SYT1: variants seen among roughly 807,000 people sequenced by gnomAD.
SYT1 encodes the protein synaptotagmin-1.
SYT1 carries 8 observed loss-of-function variants against 44.8 expected under a neutral mutation model. That is an observed-to-expected ratio of 0.18 (90% CI 0.10 to 0.32). The LOEUF (loss-of-function observed/expected upper bound fraction) is 0.32, where lower values mean the gene tolerates loss of function less well. Among genes scored for constraint, SYT1 ranks in the 10% least tolerant of loss-of-function variants. The pLI, the probability that SYT1 is intolerant of heterozygous loss-of-function variation, is 1.00. For missense variants in SYT1, 286 were observed against 509.3 expected (o/e 0.56, Z 4.22); for synonymous variants, 154 against 188.8 (o/e 0.82, Z 1.51).
intron 4 of SYT1, among the ~76,000 whole-genome samples, chr12:79,278,398 C>T (rs2138799957): frequency 6.6e-6 from 1 of 152,102 alleles, no homozygotes; most frequent in South Asian, 2.1e-4. Context: ...AATTTAAAAC[C>T]TGCTTCTGAA....
intron 4 of SYT1, among the ~76,000 whole-genome samples, chr12:79,254,671 C>A (rs1592902172): frequency 6.6e-6 from 1 of 152,134 alleles, no homozygotes; most frequent in Admixed American, 6.5e-5. Flanking sequence ...AGAAAGTATT[C>A]ATCATTCTAG....
intron 3 of SYT1, among the ~76,000 whole-genome samples, chr12:79,107,294 A>G (rs1237310642): frequency 6.6e-6 from 1 of 151,992 alleles, no homozygotes; most frequent in Admixed American, 6.5e-5. Flanking sequence ...AACTTGATAT[A>G]GTGTTTGTAT....
intron 2 of SYT1, among the ~76,000 whole-genome samples, chr12:79,043,205 T>A (rs1350091980): frequency 6.7e-6 from 1 of 149,928 alleles, no homozygotes; most frequent in African/African-American, 2.5e-5. Context: ...CTTGTTGATC[T>A]GTCTAATGTT....
At chr12:79,106,801 T>G (rs915326867) in intron 3 of SYT1, among the ~76,000 whole-genome samples, 5 of 152,212 alleles carry the variant, frequency 3.3e-5, no homozygotes, top group African/African-American at 1.2e-4. Flanking sequence ...CATTTAGAAA[T>G]GCATCTTAAG....
At chr12:79,165,963 C>T (rs1438794630) in intron 3 of SYT1, among the ~76,000 whole-genome samples, 1 of 151,874 alleles carries the variant, frequency 6.6e-6, no homozygotes, top group East Asian at 1.9e-4. Context: ...TGCCTTATTG[C>T]ACAAAAACAT....
chr12:79,182,912 C>G (rs73150227), intron 3 of SYT1, among the ~76,000 whole-genome samples: 4 of 152,036 alleles, frequency 2.6e-5, no homozygotes, highest in African/African-American at 9.7e-5. Context: ...ATATTGTGTA[C>G]AGATAATAAT....
At chr12:79,250,554 A>G (rs1877138928) in intron 4 of SYT1, among the ~76,000 whole-genome samples, 1 of 152,208 alleles carries the variant, frequency 6.6e-6, no homozygotes, top group Non-Finnish European at 1.5e-5. Context: ...TTTATAATTT[A>G]TACTGCAGCA....
At chr12:79,410,954 C>T (rs1868395777) in intron 9 of SYT1, among the ~76,000 whole-genome samples, 1 of 152,062 alleles carries the variant, frequency 6.6e-6, no homozygotes, top group Non-Finnish European at 1.5e-5. Context: ...TTTTAAGGAG[C>T]CCTTCAGTAA....
intron 4 of SYT1, among the ~76,000 whole-genome samples, chr12:79,250,733 G>A (rs1045684188): frequency 5.9e-5 from 9 of 152,130 alleles, no homozygotes; most frequent in Admixed American, 1.3e-4. Flanking sequence ...TGTGTGTTAA[G>A]GGGAATTTTT....
chr12:79,300,735 C>T (rs1880096806), intron 8 of SYT1, among the ~76,000 whole-genome samples: 1 of 139,454 alleles, frequency 7.2e-6, no homozygotes, highest in South Asian at 2.3e-4. Context: ...TTATACTTTC[C>T]AAAAAAGAGA....
chr12:78,876,297 C>T (rs1874064560), intron 1 of SYT1, among the ~76,000 whole-genome samples: 1 of 151,290 alleles, frequency 6.6e-6, no homozygotes, highest in Non-Finnish European at 1.5e-5. Flanking sequence ...AAACCAGTTG[C>T]CTACAAAGGC....
intron 2 of SYT1, among the ~76,000 whole-genome samples, chr12:78,981,082 T>G (rs945959325): frequency 3.9e-5 from 6 of 151,918 alleles, no homozygotes; most frequent in African/African-American, 1.4e-4. Context: ...TTCAATGGTT[T>G]GTTTGTTTTT....
chr12:79,155,013 A>G (rs925305031), intron 3 of SYT1, among the ~76,000 whole-genome samples: 1 of 152,220 alleles, frequency 6.6e-6, no homozygotes, highest in Non-Finnish European at 1.5e-5. Flanking sequence ...TCTTAAGCTC[A>G]GGATCTGATG....
chr12:79,333,250 C>T (rs959301352), intron 8 of SYT1, among the ~76,000 whole-genome samples: 14 of 152,062 alleles, frequency 9.2e-5, no homozygotes, highest in East Asian at 1.9e-4. Context: ...TGATGAAGTC[C>T]GCTTACTGGC....
At chr12:78,957,441 C>T (rs1012643076) in intron 1 of SYT1, among the ~76,000 whole-genome samples, 49 of 152,216 alleles carry the variant, frequency 3.2e-4, no homozygotes, top group African/African-American at 9.9e-4. Flanking sequence ...GAAGCACTTA[C>T]GACGTTCAAA....
chr12:79,111,379 C>G (rs1592757701), intron 3 of SYT1, among the ~76,000 whole-genome samples: 1 of 152,158 alleles, frequency 6.6e-6, no homozygotes, highest in Non-Finnish European at 1.5e-5. Context: ...CTACCTCTCC[C>G]TCACTTCAGG....
intron 1 of SYT1, among the ~76,000 whole-genome samples, chr12:78,889,284 G>A (rs1592528076): frequency 6.6e-6 from 1 of 151,712 alleles, no homozygotes; most frequent in East Asian, 1.9e-4. Flanking sequence ...ATTTTTCTGG[G>A]GAATGAGCTT....
Position 79,149,346 on chromosome 12 carries a change from A to ACTGAAATATG in SYT1, c.-17-68156_-17-68147dup, listed in dbSNP as rs527687249. 2.1e-4 allele frequency among the ~76,000 whole-genome samples: 32 copies of ACTGAAATATG among 152,248 alleles called. No individual in the cohort carries two copies. In the East Asian group the frequency reaches 6.2e-3, roughly 29 times the overall value. Reference sequence around the variant, plus strand: ...GGGAGGTGAAATTTCAAATGAAATGACTGAAATATGTTTTTTCTGTCAAGA... The same window carrying ACTGAAATATG: ...GGGAGGTGAAATTTCAAATGAAATGACTGAAATATGCTGAAATATGTTTTTTCTGTCAAGA... On this transcript the variant is annotated intron_variant, in intron 3 of 10. Coordinates refer to ENST00000261205, the MANE Select transcript of SYT1 (RefSeq NM_005639.3).
chr12:79,052,892 C>T (rs569639926), intron 3 of SYT1, among the ~76,000 whole-genome samples: 1 of 152,260 alleles, frequency 6.6e-6, no homozygotes, highest in South Asian at 2.1e-4. Flanking sequence ...AATAGGAACA[C>T]TTCTACACTG....
Sources: allele counts gnomAD v4.1 joint callset (sites outside exome capture counted in the v4.1 genomes callset), GRCh38; gene constraint gnomAD v4.1.1; transcripts MANE v1.5; gene names NCBI Gene and HGNC (gene_info 2026-07-23, HGNC 2026-07-21).